Variants in ARK2N observed in about 807,000 individuals in gnomAD.
ARK2N encodes the protein protein ARK2N.
At chr18:46,208,724 T>C in the ARK2N span, among the ~76,000 whole-genome samples, 2 of 152,040 alleles carry the variant, frequency 1.3e-5, no homozygotes, top group Admixed American at 6.5e-5. Flanking sequence ...CACCCTGACC[T>C]CCCAGATGCT....
chr18:46,259,813 T>TGTGTGTG, the ARK2N span, among the ~76,000 whole-genome samples: 167 of 145,346 alleles, frequency 1.1e-3, 1 homozygote, highest in African/African-American at 1.4e-3. Flanking sequence ...TGTGTGTGTG[T>TGTGTGTG]TTGACAGAGA....
the ARK2N span, among the ~76,000 whole-genome samples, chr18:46,227,222 G>C: frequency 6.6e-6 from 1 of 152,164 alleles, no homozygotes; most frequent in African/African-American, 2.4e-5. Context: ...AATTCTGCAT[G>C]TGTTTTTTAA....
chr18:46,222,402 A>G, the ARK2N span, among the ~76,000 whole-genome samples: 1 of 152,186 alleles, frequency 6.6e-6, no homozygotes, highest in Admixed American at 6.5e-5. Flanking sequence ...GCCCTCTTTT[A>G]CTTCATTTAA....
At chr18:46,222,897 T>A in the ARK2N span, among the ~76,000 whole-genome samples, 1 of 152,218 alleles carries the variant, frequency 6.6e-6, no homozygotes, top group Non-Finnish European at 1.5e-5. Context: ...GTCTGTAGTT[T>A]ACTGTTAGGG....
chr18:46,190,711 C>T, the ARK2N span, among the ~76,000 whole-genome samples: 1 of 152,076 alleles, frequency 6.6e-6, no homozygotes, highest in Non-Finnish European at 1.5e-5. Context: ...CTAAAGTTTA[C>T]CAGCAGCCCC....
chr18:46,253,988 A>G, the ARK2N span, among the ~76,000 whole-genome samples: 1 of 152,226 alleles, frequency 6.6e-6, no homozygotes, highest in Non-Finnish European at 1.5e-5. Flanking sequence ...TTTAGACATG[A>G]TATGAGCCTT....
At chr18:46,236,840 TG>T in the ARK2N span, among the ~76,000 whole-genome samples, 866 of 141,180 alleles carry the variant, frequency 6.1e-3, 7 homozygotes, top group African/African-American at 0.021. Flanking sequence ...GTTTTTTTTT[TG>T]TTGTTGTTGT....
At chr18:46,233,817 A>G in the ARK2N span, among the ~76,000 whole-genome samples, 1 of 152,190 alleles carries the variant, frequency 6.6e-6, no homozygotes, top group African/African-American at 2.4e-5. Context: ...AGTATAATGG[A>G]AAAAGTACAA....
the ARK2N span, among the ~76,000 whole-genome samples, chr18:46,212,990 A>ATTT: frequency 2.7e-3 from 215 of 80,528 alleles, 16 homozygotes; most frequent in East Asian, 4.3e-3. Context: ...TTTAAGAAGA[A>ATTT]TTTTTTTTTT....
chr18:46,185,999 A>G, the ARK2N span, among the ~76,000 whole-genome samples: 3 of 152,128 alleles, frequency 2.0e-5, no homozygotes, highest in Non-Finnish European at 2.9e-5. Context: ...AAGAATAAAA[A>G]TAAAAAAACA....
chr18:46,259,786 G>GTGTGTGTC, the ARK2N span, among the ~76,000 whole-genome samples: 2 of 151,608 alleles, frequency 1.3e-5, no homozygotes, highest in Non-Finnish European at 2.9e-5. Flanking sequence ...GTGTGTGTGT[G>GTGTGTGTC]TGTGTGTGTG....
chr18:46,245,971 T>C, the ARK2N span, among the ~76,000 whole-genome samples: 3 of 151,842 alleles, frequency 2.0e-5, no homozygotes, highest in Non-Finnish European at 4.4e-5. Context: ...AGAAGTTATC[T>C]TTCCAAAGAC....
chr18:46,208,464 C>CTTTTTTTTTTTTTTT, the ARK2N span, among the ~76,000 whole-genome samples: 1 of 68,364 alleles, frequency 1.5e-5, no homozygotes, highest in African/African-American at 4.9e-5. Context: ...GTTCTTAAAT[C>CTTTTTTTTTTTTTTT]TTTTTTTTTT....
At chr18:46,200,499 G>A in the ARK2N span, among the ~76,000 whole-genome samples, 3 of 152,184 alleles carry the variant, frequency 2.0e-5, no homozygotes, top group South Asian at 6.2e-4. Flanking sequence ...GTAGAAATGG[G>A]GTTTCACTAT....
chr18:46,192,804 A>G, the ARK2N span, among the ~76,000 whole-genome samples: 2 of 151,188 alleles, frequency 1.3e-5, no homozygotes, highest in African/African-American at 4.9e-5. Flanking sequence ...TCCTGACCTC[A>G]AATAATTCTC....
At chr18:46,252,282 C>CT in the ARK2N span, among the ~76,000 whole-genome samples, 3,690 of 146,846 alleles carry the variant, frequency 0.025, 167 homozygotes, top group African/African-American at 0.086. Flanking sequence ...ATTTTCTTTT[C>CT]TTTTTTTTTT....
the ARK2N span, chr18:46,253,884 A>G: frequency 1.3e-6 from 2 of 1,508,220 alleles, no homozygotes; most frequent in South Asian, 2.5e-5. Context: ...TAACCAGAAA[A>G]CAAGTTAAAA....
the ARK2N span, among the ~76,000 whole-genome samples, chr18:46,262,391 A>G: frequency 2.0e-5 from 3 of 152,232 alleles, no homozygotes; most frequent in South Asian, 6.2e-4. Flanking sequence ...GACCTTCAGG[A>G]CAAGGGAAAT....
the ARK2N span, among the ~76,000 whole-genome samples, chr18:46,219,620 C>T: frequency 6.6e-6 from 1 of 152,060 alleles, no homozygotes; most frequent in African/African-American, 2.4e-5. Flanking sequence ...CAGGCGTGTG[C>T]CACCATGCCC....
Sources: allele counts gnomAD v4.1 joint callset (sites outside exome capture counted in the v4.1 genomes callset), GRCh38; gene constraint gnomAD v4.1.1; transcripts MANE v1.5; gene names NCBI Gene and HGNC (gene_info 2026-07-23, HGNC 2026-07-21).